KIR2DL1: variants seen among roughly 807,000 people sequenced by gnomAD.
KIR2DL1 encodes the protein killer cell immunoglobulin like receptor, two Ig domains and long cytoplasmic tail 1.
Under a neutral mutation model 33.9 loss-of-function variants are expected in KIR2DL1, and 38 were observed. The ratio of observed to expected loss-of-function variants is 1.12; its 90% CI spans 0.86 to 1.47. The LOEUF (loss-of-function observed/expected upper bound fraction) is 1.47, where lower values mean the gene tolerates loss of function less well. KIR2DL1 is among the 40% of genes most tolerant of loss of function. KIR2DL1 has a pLI of 0.00. For synonymous variants in KIR2DL1, 179 were observed against 165.9 expected, an observed-to-expected ratio of 1.08 and a Z score of -0.61; for missense variants, 531 against 433.9, an observed-to-expected ratio of 1.22 and a Z score of -1.99.
At chr19:54,772,592 C>A (rs1428718759) in intron 2 of KIR2DL1, among the ~76,000 whole-genome samples, 5 of 146,034 alleles carry the variant, frequency 3.4e-5, no homozygotes, top group South Asian at 2.2e-4. Flanking sequence ...GTAATCCTAG[C>A]GACTTGGGAG....
intron 3 of KIR2DL1, among the ~76,000 whole-genome samples, chr19:54,774,477 G>C (rs1444806404): frequency 6.7e-6 from 1 of 148,362 alleles, no homozygotes; most frequent in Non-Finnish European, 1.5e-5. Context: ...GAGAACTAGA[G>C]AGACCGAGAG....
intron 5 of KIR2DL1, chr19:54,779,961 C>T (rs1242464405): frequency 5.3e-6 from 2 of 377,770 alleles, no homozygotes; most frequent in Non-Finnish European, 9.7e-6. Context: ...TGCAGTGTCA[C>T]GATCTTGGCT....
At chr19:54,783,348 A>T in intron 6 of KIR2DL1, 138 bp from the exon 7 acceptor site, 1 of 900,058 alleles carries the variant, frequency 1.1e-6, no homozygotes, top group East Asian at 2.5e-5. Flanking sequence ...GCTCAGAGAG[A>T]TAGAATGTCT....
Position 54,775,823 on chromosome 19 carries a change from AC to A in KIR2DL1, c.664+369del, listed in dbSNP as rs1209454489. Among the ~76,000 whole-genome samples the A allele has an allele frequency of 1.3e-5, 2 of 148,608 alleles. 1 individual carries two copies. Among genetic ancestry groups the A allele is most frequent in the Non-Finnish European group, 3.0e-5 (2 of 66,172 alleles). ...CCACACAGAGATGTCATCACCAGCA[AC>A]CCCTACACCCTTTACTTTTCTTTGA... On this transcript the variant is annotated intron_variant, in intron 4 of 7. Transcript: ENST00000336077.
intron 4 of KIR2DL1, among the ~76,000 whole-genome samples, chr19:54,776,141 C>G (rs1407723667): frequency 1.2e-4 from 17 of 143,996 alleles, no homozygotes; most frequent in Admixed American, 4.2e-4. Flanking sequence ...CCACCCGCAT[C>G]AGCCTCCCAA....
intron 4 of KIR2DL1, 91 bp from the exon 5 acceptor site, chr19:54,778,521 G>T: frequency 8.0e-7 from 1 of 1,254,680 alleles, no homozygotes; most frequent in Non-Finnish European, 1.1e-6. Context: ...TTAGATAAGA[G>T]AGTGTTGGCC....
intron 3 of KIR2DL1, 25 bp downstream of exon 3, chr19:54,773,657 C>T: frequency 6.4e-7 from 1 of 1,551,260 alleles, no homozygotes; most frequent in African/African-American, 1.4e-5. Flanking sequence ...ACTTTCTTCT[C>T]ATTGTCATTG....
rs576766361 is a variant in KIR2DL1 at position 54,773,024 on chromosome 19, G to C, written c.71-309G>C. ...AGAGCCTGGATGTGCAGCCTATCCTGGTTCCTCTTCCACCCCCACATAGAC... is the reference window on the plus strand; with the variant it reads ...AGAGCCTGGATGTGCAGCCTATCCTCGTTCCTCTTCCACCCCCACATAGAC... On this transcript the variant is annotated intron_variant, in intron 2 of 7. Coordinates refer to ENST00000336077, the MANE Select transcript of KIR2DL1 (RefSeq NM_014218.3). 2.4e-3 allele frequency among the ~76,000 whole-genome samples: 360 copies of C among 148,504 alleles called. 30 individuals carry two copies. The highest frequency in any genetic ancestry group is 3.8e-3 in the Non-Finnish European group (253 of 66,172).
In KIR2DL1 at chr19:54,783,941, C is replaced by T. The variant is rs1600916003; in HGVS notation, c.*128C>T. On this transcript the variant is annotated 3_prime_UTR_variant, in exon 8 of 8. Transcript: ENST00000336077. ...TGAGTCTGCATCTTAGGGCATCGAT[C>T]TTCCTCACACCACAAATCTGAATGT... 2 of 1,310,296 alleles carry T rather than the reference C, an allele frequency of 1.5e-6. No individual in the cohort carries two copies. Among genetic ancestry groups the T allele is most frequent in the East Asian group, 2.3e-5 (1 of 43,492 alleles). 81.2% of individuals were successfully genotyped at this position (1,310,296 alleles called of 1,614,324 possible).
Position 54,782,914 on chromosome 19 carries a change from T to G in KIR2DL1, c.716-8T>G. 4 of 1,612,564 alleles carry G rather than the reference T, an allele frequency of 2.5e-6. No individual in the cohort carries two copies. The highest frequency in any genetic ancestry group is 3.4e-6 in the Non-Finnish European group (4 of 1,178,858). Reference sequence around the variant, plus strand: ...TTAGCTTCTTATTGGTGTCTCATCTTCTTCCAGGTAACCCCCGACACCTGC... The same window carrying G: ...TTAGCTTCTTATTGGTGTCTCATCTGCTTCCAGGTAACCCCCGACACCTGC... On this transcript the variant is annotated splice_region_variant and splice_polypyrimidine_tract_variant and intron_variant, in intron 5 of 7. Coordinates refer to ENST00000336077, the MANE Select transcript of KIR2DL1 (RefSeq NM_014218.3).
In KIR2DL1 at chr19:54,783,861, T is replaced by C; in HGVS notation, c.*48T>C. The C allele has an allele frequency of 8.1e-6, 13 of 1,613,394 alleles. No individual in the cohort carries two copies. Among genetic ancestry groups the C allele is most frequent in the Non-Finnish European group, 1.0e-5 (12 of 1,179,524 alleles). On this transcript the variant is annotated 3_prime_UTR_variant, in exon 8 of 8. Coordinates refer to ENST00000336077, the MANE Select transcript of KIR2DL1 (RefSeq NM_014218.3). ...GCGTCTTCTAGGGAGACAACAGCCC[T>C]GTCTCAAAACCGGGTTGCCAGCTCC...
chr19:54,774,232 A>G (rs202041203), intron 3 of KIR2DL1, among the ~76,000 whole-genome samples: 10,384 of 148,102 alleles, frequency 0.07, 1,119 homozygotes, highest in Non-Finnish European at 0.1. Context: ...AGGATCAGTG[A>G]GAGGCACAGA....
rs1215468336 is a variant in KIR2DL1, at chr19:54,775,326, A to G, written c.532A>G (p.Asn178Asp). 1 of 1,581,582 alleles carries G rather than the reference A, an allele frequency of 6.3e-7. No homozygotes were observed. The highest frequency in any genetic ancestry group is 1.1e-5 in the South Asian group (1 of 90,062). ...ERRLPAGPKV[N>D]GTFQADFPLG... ...TAGGCTCCCTGCAGGGCCCAAGGTCAACGGAACATTCCAGGCTGACTTTCC... is the reference window on the plus strand; with the variant it reads ...TAGGCTCCCTGCAGGGCCCAAGGTCGACGGAACATTCCAGGCTGACTTTCC... The change falls in exon 4 of 8, where the codon AAC (asparagine) becomes GAC (aspartate). Residue 178 changes from asparagine (N) to aspartate (D), a missense_variant. Coordinates refer to ENST00000336077, the MANE Select transcript of KIR2DL1 (RefSeq NM_014218.3).
intron 5 of KIR2DL1, among the ~76,000 whole-genome samples, chr19:54,781,521 A>G (rs964947705): frequency 6.6e-6 from 1 of 150,522 alleles, no homozygotes; most frequent in Non-Finnish European, 1.5e-5. Context: ...GGTAAACATT[A>G]ACACTCCTTG....
chr19:54,772,029 T>C (rs545065689), intron 2 of KIR2DL1, among the ~76,000 whole-genome samples: 3 of 145,234 alleles, frequency 2.1e-5, no homozygotes, highest in South Asian at 2.2e-4. Flanking sequence ...TACAGGGAAA[T>C]GGGTGCTGTG....
Position 54,769,804 on chromosome 19 carries a change from T to C in KIR2DL1, c.-47T>C. 6.4e-7 allele frequency: 1 copy of C among 1,560,618 alleles called. No homozygotes were observed. Among genetic ancestry groups the C allele is most frequent in the Non-Finnish European group, 8.8e-7 (1 of 1,139,988 alleles). On this transcript the variant is annotated 5_prime_UTR_variant, in exon 1 of 8. Coordinates refer to ENST00000336077, the MANE Select transcript of KIR2DL1 (RefSeq NM_014218.3). ...GGGCGCCAAATAACATCCTGTGCGC[T>C]GCTGAGCTGAGCTCGGTCGCGGCTG...
rs746587539 is a variant in KIR2DL1 at position 54,769,819 on chromosome 19, G to T, written c.-32G>T. On this transcript the variant is annotated 5_prime_UTR_variant, in exon 1 of 8. Coordinates refer to ENST00000336077, the MANE Select transcript of KIR2DL1 (RefSeq NM_014218.3). ...TCCTGTGCGCTGCTGAGCTGAGCTC[G>T]GTCGCGGCTGCCTGTCTGCTCCGGC... 6.4e-7 allele frequency: 1 copy of T among 1,566,670 alleles called. No homozygotes were observed.
intron 2 of KIR2DL1, among the ~76,000 whole-genome samples, chr19:54,772,761 G>A (rs2075889147): frequency 6.9e-6 from 1 of 144,040 alleles, no homozygotes; most frequent in Non-Finnish European, 1.5e-5. Flanking sequence ...GCTACACTGA[G>A]ATCAGCAAGG....
intron 2 of KIR2DL1, among the ~76,000 whole-genome samples, chr19:54,771,943 A>G (rs1479624448): frequency 3.4e-5 from 5 of 147,944 alleles, no homozygotes; most frequent in Non-Finnish European, 7.6e-5. Context: ...CCTGAATCCC[A>G]GAGCTCCTGG....
Sources: allele counts gnomAD v4.1 joint callset (sites outside exome capture counted in the v4.1 genomes callset), GRCh38; gene constraint gnomAD v4.1.1; transcripts MANE v1.5; gene names NCBI Gene and HGNC (gene_info 2026-07-23, HGNC 2026-07-21).